Variants in CRPPA observed in about 807,000 individuals in gnomAD.
The protein encoded by CRPPA is CDP-L-ribitol pyrophosphorylase A, also known as D-ribitol-5-phosphate cytidylyltransferase.
A neutral mutation model predicts 52.0 loss-of-function variants in CRPPA; 43 were observed. The observed-to-expected ratio is 0.83, with a 90% CI of 0.65 to 1.07. The LOEUF is 1.07. Among genes scored for constraint, CRPPA ranks in the 50% least tolerant of loss-of-function variants. The pLI, the probability that CRPPA is intolerant of heterozygous loss-of-function variation, is 0.00. For synonymous variants in CRPPA, 250 were observed against 203.5 expected (o/e 1.23, Z -1.94); for missense variants, 629 against 551.7 (o/e 1.14, Z -1.40).
intron 9 of CRPPA, among the ~76,000 whole-genome samples, chr7:16,125,347 T>C (rs1291126442): frequency 6.6e-6 from 1 of 151,616 alleles, no homozygotes; most frequent in African/African-American, 2.4e-5. Flanking sequence ...AAGTTCTCAA[T>C]TTCTCCCTTG....
rs983095423 is a variant in CRPPA, at chr7:16,294,238, T to G, written c.835+7183A>C. 1.4e-4 allele frequency among the ~76,000 whole-genome samples: 21 copies of G among 151,914 alleles called. 1 individual carries two copies. The highest frequency in any genetic ancestry group is 8.5e-4 in the Admixed American group (13 of 15,246). ...ATATCATCATTTGGGTTTTTTTGGG[T>G]TTTTTTTAACTACCTACATCAGAGT... On this transcript the variant is annotated intron_variant, in intron 5 of 9. Transcript: ENST00000407010.
intron 2 of CRPPA, among the ~76,000 whole-genome samples, chr7:16,387,838 C>G (rs1214721155): frequency 6.6e-6 from 1 of 152,114 alleles, no homozygotes. Context: ...CAGCAGAATA[C>G]CTATTTGAAG....
At chr7:16,358,785 A>T (rs1383997457) in intron 3 of CRPPA, among the ~76,000 whole-genome samples, 1 of 152,210 alleles carries the variant, frequency 6.6e-6, no homozygotes, top group Non-Finnish European at 1.5e-5. Flanking sequence ...CTAAAAAATG[A>T]AGAAATTGAT....
In CRPPA at chr7:16,087,666, A is replaced by G. The variant is rs1781723919; in HGVS notation, c.*4029T>C. On this transcript the variant is annotated 3_prime_UTR_variant, in exon 10 of 10. Transcript: ENST00000407010. Reference sequence around the variant, plus strand: ...GAAACTGAAATTAATAAGAACATATATAAATGCAACTATAATGCCAACCAC... The same window carrying G: ...GAAACTGAAATTAATAAGAACATATGTAAATGCAACTATAATGCCAACCAC... 1 of 152,112 alleles carries G rather than the reference A, an allele frequency of 6.6e-6. No individual in the cohort carries two copies. Among genetic ancestry groups the G allele is most frequent in the Non-Finnish European group, 1.5e-5 (1 of 67,988 alleles). 9.4% of individuals were successfully genotyped at this position (152,112 alleles called of 1,614,324 possible).
intron 1 of CRPPA, among the ~76,000 whole-genome samples, chr7:16,416,217 C>T (rs1788187301): frequency 6.6e-6 from 1 of 152,062 alleles, no homozygotes; most frequent in African/African-American, 2.4e-5. Context: ...ACCAATGGAA[C>T]AGAACAGAGA....
intron 9 of CRPPA, among the ~76,000 whole-genome samples, chr7:16,147,915 C>T (rs191550706): frequency 6.6e-6 from 1 of 152,186 alleles, no homozygotes; most frequent in East Asian, 1.9e-4. Flanking sequence ...TTGGTTCCTA[C>T]CCTCATTCTT....
At chr7:16,232,550 T>C (rs1782828646) in intron 8 of CRPPA, among the ~76,000 whole-genome samples, 1 of 152,096 alleles carries the variant, frequency 6.6e-6, no homozygotes, top group African/African-American at 2.4e-5. Context: ...TCTTTATAAA[T>C]TGCCCAGTTC....
intron 8 of CRPPA, among the ~76,000 whole-genome samples, chr7:16,233,727 G>A (rs931890902): frequency 2.6e-5 from 4 of 152,114 alleles, no homozygotes; most frequent in Admixed American, 6.6e-5. Flanking sequence ...GGGTACAATC[G>A]TAATGCACAT....
chr7:16,364,000 C>T (rs1786523689), intron 3 of CRPPA, among the ~76,000 whole-genome samples: 1 of 151,984 alleles, frequency 6.6e-6, no homozygotes, highest in Admixed American at 6.6e-5. Flanking sequence ...GTAAAAAATC[C>T]TTCAAAGAAT....
In CRPPA at chr7:16,335,058, A is replaced by G. The variant is rs571165259; in HGVS notation, c.685-26431T>C. On this transcript the variant is annotated intron_variant, in intron 3 of 9. Transcript: ENST00000407010. The stretch of plus-strand genomic sequence containing the variant: ...GTTCAGGCCAGGTGAAGTGGCTCAC[A>G]CATGTAATCCCAGCAATCTGGGAGG... 5.3e-5 allele frequency among the ~76,000 whole-genome samples: 8 copies of G among 151,052 alleles called. No homozygotes were observed. The East Asian group carries it at 1.6e-3, about 30-fold the overall frequency.
intron 5 of CRPPA, among the ~76,000 whole-genome samples, 154 bp downstream of exon 5, chr7:16,301,267 A>G (rs1029228736): frequency 1.3e-5 from 2 of 152,270 alleles, no homozygotes; most frequent in Non-Finnish European, 2.9e-5. Flanking sequence ...CATGAAACAC[A>G]TAAAATGTAA....
At chr7:16,319,437 G>A (rs769708460) in intron 3 of CRPPA, among the ~76,000 whole-genome samples, 1 of 152,028 alleles carries the variant, frequency 6.6e-6, no homozygotes, top group Non-Finnish European at 1.5e-5. Flanking sequence ...CTCCCAACAT[G>A]GATCCCCTAG....
chr7:16,294,470 C>CT lies in CRPPA; in HGVS notation c.835+6950dup, dbSNP rs58850265. Among the ~76,000 whole-genome samples, 491 of 151,208 alleles carry CT rather than the reference C, an allele frequency of 3.2e-3. 3 individuals are homozygous for CT. Among genetic ancestry groups the CT allele is most frequent in the Middle Eastern group, 6.8e-3 (2 of 294 alleles). On this transcript the variant is annotated intron_variant, in intron 5 of 9. Coordinates refer to ENST00000407010, the MANE Select transcript of CRPPA (RefSeq NM_001101426.4). ...CCCAAATATTGAACTTTCCAATTTA[C>CT]TTTTTTTTTTACAGTAAGATTTCAA...
intron 4 of CRPPA, among the ~76,000 whole-genome samples, chr7:16,307,722 G>C (rs1349942647): frequency 9.9e-6 from 1 of 101,132 alleles, no homozygotes; most frequent in Non-Finnish European, 2.1e-5. Flanking sequence ...GCCATTAAAA[G>C]AACTGGGCCC....
chr7:16,392,759 T>A (rs1485083395), intron 2 of CRPPA, among the ~76,000 whole-genome samples: 1 of 152,154 alleles, frequency 6.6e-6, no homozygotes, highest in Admixed American at 6.6e-5. Flanking sequence ...TTTTTATGAC[T>A]TTTAAAGAAT....
chr7:16,379,801 G>T (rs1787024248), intron 2 of CRPPA, among the ~76,000 whole-genome samples: 3 of 152,132 alleles, frequency 2.0e-5, no homozygotes, highest in Admixed American at 2.0e-4. Flanking sequence ...GTCTGTTATT[G>T]ATGTATAAGA....
At chr7:16,420,075 T>A (rs1256315011) in intron 1 of CRPPA, among the ~76,000 whole-genome samples, 1 of 152,066 alleles carries the variant, frequency 6.6e-6, no homozygotes, top group Non-Finnish European at 1.5e-5. Context: ...TGTGTGAGGG[T>A]TTGCGTGGGG....
At chr7:16,240,949 T>C (rs1229311382) in intron 8 of CRPPA, among the ~76,000 whole-genome samples, 1 of 152,172 alleles carries the variant, frequency 6.6e-6, no homozygotes, top group African/African-American at 2.4e-5. Flanking sequence ...ATTGTCATTT[T>C]TTATTAAGAA....
chr7:16,156,518 T>G (rs1190685820), intron 9 of CRPPA, among the ~76,000 whole-genome samples: 1 of 152,204 alleles, frequency 6.6e-6, no homozygotes, highest in Admixed American at 6.5e-5. Context: ...TGCTCCATAC[T>G]TCTGCCTCTC....
Sources: allele counts gnomAD v4.1 joint callset (sites outside exome capture counted in the v4.1 genomes callset), GRCh38; gene constraint gnomAD v4.1.1; transcripts MANE v1.5; gene names NCBI Gene and HGNC (gene_info 2026-07-23, HGNC 2026-07-21).